CARS2: variants seen among roughly 807,000 people sequenced by gnomAD.
CARS2 encodes the protein cysteinyl-tRNA synthetase 2, mitochondrial.
Under a neutral mutation model 68.8 loss-of-function variants are expected in CARS2, and 52 were observed. That is an observed-to-expected ratio of 0.76 (90% confidence interval 0.61 to 0.95). The LOEUF (loss-of-function observed/expected upper bound fraction) is 0.95. Among genes scored for constraint, CARS2 ranks in the 40% least tolerant of loss-of-function variants. The pLI, the probability that CARS2 is intolerant of heterozygous loss-of-function variation, is 0.00. For missense variants in CARS2, 780 were observed against 754.2 expected (o/e 1.03, Z -0.40); for synonymous variants, 314 against 303.6 (o/e 1.03, Z -0.36).
chr13:110,662,324 C>A lies in CARS2; in HGVS notation c.987+1127G>T, dbSNP rs1036454476. Reference sequence around the variant, plus strand: ...ATGCAACCCCATGGCCGGCTTCGGACCCCCTTCTGCGTCATGCAACCCCAT... The same window carrying A: ...ATGCAACCCCATGGCCGGCTTCGGAACCCCTTCTGCGTCATGCAACCCCAT... On this transcript the variant is annotated intron_variant, in intron 9 of 14. Transcript: ENST00000257347. 4.9e-5 allele frequency among the ~76,000 whole-genome samples: 6 copies of A among 121,570 alleles called. No homozygotes were observed. In the East Asian group the frequency reaches 1.2e-3, roughly 24 times the overall value. The allele number at this position is 121,570 out of a possible 152,430, so 79.8% of individuals were successfully genotyped here.
At chr13:110,655,543 G>C (rs2062342964) in intron 9 of CARS2, among the ~76,000 whole-genome samples, 4 of 152,226 alleles carry the variant, frequency 2.6e-5, no homozygotes, top group South Asian at 4.1e-4. Flanking sequence ...GGGAAAGTGA[G>C]AAGCACAGCT....
intron 5 of CARS2, among the ~76,000 whole-genome samples, chr13:110,684,984 A>C (rs749421798): frequency 1.3e-5 from 2 of 152,204 alleles, no homozygotes; most frequent in African/African-American, 4.8e-5. Context: ...ATTGTTTATA[A>C]TAAAACACAG....
rs190122861 is a variant in CARS2, at chr13:110,668,211, G to A, written c.786-738C>T. Among the ~76,000 whole-genome samples, 310 of 152,332 alleles carry A rather than the reference G, an allele frequency of 2.0e-3. 2 individuals are homozygous for A. Among genetic ancestry groups the A allele is most frequent in the Non-Finnish European group, 1.7e-3 (117 of 68,036 alleles). ...GGAGGTCTCGAGCCTGGGGAAACAG[G>A]CATCACAGAAACACACGCTGTAGTG... On this transcript the variant is annotated intron_variant, in intron 7 of 14. Transcript: ENST00000257347. This position sits in a 1 kb window ranked among gnomAD's most constrained non-coding sequence, Gnocchi z 4.1.
At chr13:110,679,485 G>A (rs978789881) in intron 6 of CARS2, among the ~76,000 whole-genome samples, 6 of 150,800 alleles carry the variant, frequency 4.0e-5, no homozygotes, top group Non-Finnish European at 5.9e-5. Flanking sequence ...AGCCGAGATC[G>A]CGCCATTGCA....
At position 110,683,154 on chromosome 13, in the gene CARS2, T is replaced by C. The variant is rs2063205456; in HGVS notation, c.572-20A>G. Reference sequence around the variant, plus strand: ...CATTGCCTGTTTATAAAGACAATTATGAATTCATCACTTCTCAGTCTGAAT... The same window carrying C: ...CATTGCCTGTTTATAAAGACAATTACGAATTCATCACTTCTCAGTCTGAAT... On this transcript the variant is annotated intron_variant, in intron 5 of 14. Coordinates refer to ENST00000257347, the MANE Select transcript of CARS2 (RefSeq NM_024537.4). 6.6e-7 allele frequency: 1 copy of C among 1,510,484 alleles called. No individual in the cohort carries two copies. The allele number at this position is 1,510,484 out of a possible 1,614,324, so 93.6% of individuals were successfully genotyped here. A position where few individuals can be genotyped will look rare whatever the true frequency, so the allele number is the denominator to read the frequency against.
At chr13:110,698,520 CA>C (rs879665768) in intron 3 of CARS2, among the ~76,000 whole-genome samples, 377 of 137,898 alleles carry the variant, frequency 2.7e-3, no homozygotes, top group African/African-American at 4.0e-3. Context: ...AATTCTGTCT[CA>C]AAAAAAAAAA....
chr13:110,696,468 T>G (rs1363743729), intron 3 of CARS2, among the ~76,000 whole-genome samples: 2 of 152,238 alleles, frequency 1.3e-5, no homozygotes, highest in African/African-American at 4.8e-5. Context: ...CCATTCTAAC[T>G]GGCATGAGAT....
At chr13:110,648,202 T>G (rs918578028) in intron 10 of CARS2, 1 of 152,182 alleles carries the variant, frequency 6.6e-6, no homozygotes, top group African/African-American at 2.4e-5. Context: ...TTGCTTTGAA[T>G]AGCTTGATAG....
At chr13:110,657,247 T>G (rs2062394189) in intron 9 of CARS2, among the ~76,000 whole-genome samples, 4 of 152,378 alleles carry the variant, frequency 2.6e-5, no homozygotes, top group Middle Eastern at 3.4e-3. Flanking sequence ...GAATCTATTT[T>G]GTATGTGCAG....
rs571685789 is a variant in CARS2 at position 110,679,650 on chromosome 13, CGGAGGGAGGGAG to C, written c.656-2559_656-2548del. ...GGGAGGGAGGGACACCGGGCGTGAC[CGGAGGGAGGGAG>C]GGAGGGAGGGAGGGAGGGAGGGAAA... On this transcript the variant is annotated intron_variant, in intron 6 of 14. Coordinates refer to ENST00000257347, the MANE Select transcript of CARS2 (RefSeq NM_024537.4). Among the ~76,000 whole-genome samples, 35 of 43,212 alleles carry C rather than the reference CGGAGGGAGGGAG, an allele frequency of 8.1e-4. 1 individual carries two copies. Among genetic ancestry groups the C allele is most frequent in the East Asian group, 2.9e-3 (4 of 1,362 alleles). 28.3% of individuals were successfully genotyped at this position (43,212 alleles called of 152,430 possible). A position where few individuals can be genotyped will look rare whatever the true frequency, so the allele number is the denominator to read the frequency against.
At chr13:110,666,608 A>G in intron 8 of CARS2, 1 of 985,432 alleles carries the variant, frequency 1.0e-6, no homozygotes, top group South Asian at 4.7e-5. Flanking sequence ...AGAAAACCAG[A>G]GCACTTCTGC....
At chr13:110,651,207 G>A in intron 9 of CARS2, 107 bp from the exon 10 acceptor site, 1 of 691,978 alleles carries the variant, frequency 1.4e-6, no homozygotes, top group Admixed American at 3.4e-5. Flanking sequence ...TACCTATCAA[G>A]AAATCAGGAA....
chr13:110,656,010 TA>T (rs1421094931), intron 9 of CARS2, among the ~76,000 whole-genome samples: 1 of 152,166 alleles, frequency 6.6e-6, no homozygotes, highest in Non-Finnish European at 1.5e-5. Flanking sequence ...ATATGACAAA[TA>T]AAAGTAAATT....
At position 110,643,174 on chromosome 13, in the gene CARS2, A is replaced by AGCCCAGAGTGG. The variant is rs1445840448; in HGVS notation, c.1417-664_1417-654dup. ...CAGTTTTTGTTATTACAGAAATATG[A>AGCCCAGAGTGG]GCCCAGAGTGGGCCCAGACATTGGG... On this transcript the variant is annotated intron_variant, in intron 13 of 14. Transcript: ENST00000257347. 3 of 204,906 alleles carry AGCCCAGAGTGG rather than the reference A, an allele frequency of 1.5e-5. No homozygotes were observed. In the East Asian group the frequency reaches 4.0e-4, roughly 27 times the overall value. The allele number at this position is 204,906 out of a possible 1,614,324, so 12.7% of individuals were successfully genotyped here.
chr13:110,709,769 T>C (rs1234755437), upstream of CARS2, among the ~76,000 whole-genome samples: 1 of 152,142 alleles, frequency 6.6e-6, no homozygotes, highest in East Asian at 1.9e-4. Context: ...CTATTAGTTC[T>C]GTCCCTCTAG....
rs2063632005 is a variant in CARS2 at position 110,696,650 on chromosome 13, G to T, written c.393+4788C>A. On this transcript the variant is annotated intron_variant, in intron 3 of 14. Coordinates refer to ENST00000257347, the MANE Select transcript of CARS2 (RefSeq NM_024537.4). Reference sequence around the variant, plus strand: ...CAATACCATCTTAGGATCTTGCTGTGTACCAAGTATGGAAATTCTCTGGTT... The same window carrying T: ...CAATACCATCTTAGGATCTTGCTGTTTACCAAGTATGGAAATTCTCTGGTT... Among the ~76,000 whole-genome samples the T allele has an allele frequency of 2.0e-5, 3 of 152,146 alleles. No individual in the cohort carries two copies. In the South Asian group the frequency reaches 6.2e-4, roughly 32 times the overall value.
intron 8 of CARS2, chr13:110,663,999 T>C: frequency 1.0e-6 from 1 of 987,692 alleles, no homozygotes; most frequent in Non-Finnish European, 1.2e-6. Flanking sequence ...AGAGGTCCTG[T>C]TGCAGTTGGT....
At chr13:110,646,222 A>C in intron 11 of CARS2, 132 bp from the exon 12 acceptor site, 1 of 1,043,314 alleles carries the variant, frequency 9.6e-7, no homozygotes, top group Non-Finnish European at 1.3e-6. Context: ...CATATTCCCA[A>C]AGACTTGAGT....
At chr13:110,709,322 G>A (rs1208799790), upstream of CARS2, among the ~76,000 whole-genome samples, 3 of 151,748 alleles carry the variant, frequency 2.0e-5, no homozygotes, top group South Asian at 2.1e-4. Context: ...TTGAACTCCC[G>A]ACCCCAGGTG....
Sources: gnomAD v4.1 joint callset for allele counts (sites outside exome capture counted in the v4.1 genomes callset) on GRCh38, gnomAD v4.1.1 for gene constraint, Gnocchi (gnomAD v3.1) non-coding constraint, MANE v1.5 for transcripts, NCBI Gene and HGNC (gene_info 2026-07-23, HGNC 2026-07-21) for gene names.